The following PRPF40B variants were observed in gnomAD, a reference collection of about 807,000 sequenced individuals.
PRPF40B encodes pre-mRNA processing factor 40B, also known as pre-mRNA-processing factor 40 homolog B.
A neutral mutation model predicts 124.5 loss-of-function variants in PRPF40B; 56 were observed. The ratio of observed to expected loss-of-function variants is 0.45; its 90% CI spans 0.36 to 0.56. The LOEUF (loss-of-function observed/expected upper bound fraction) is 0.56, where lower values mean the gene tolerates loss of function less well. Ranked by LOEUF, PRPF40B falls within the 20% of genes least tolerant of loss-of-function variation. The pLI is 0.00. For synonymous variants in PRPF40B, 443 were observed against 426.4 expected, an observed-to-expected ratio of 1.04 and a Z score of -0.48; for missense variants, 1,053 against 1,169.5, an observed-to-expected ratio of 0.90 and a Z score of 1.45.
intron 18 of PRPF40B, chr12:49,639,024 C>G (rs887606331): frequency 1.3e-5 from 2 of 152,202 alleles, no homozygotes. Flanking sequence ...ATGTATCATA[C>G]TGTCCTGAGG....
At position 49,631,775 on chromosome 12, in the gene PRPF40B, T is replaced by C; in HGVS notation, c.229-85T>C. 7.2e-7 allele frequency: 1 copy of C among 1,388,688 alleles called. No homozygotes were observed. Among genetic ancestry groups the C allele is most frequent in the Non-Finnish European group, 1.0e-6 (1 of 976,168 alleles). 86.0% of individuals were successfully genotyped at this position (1,388,688 alleles called of 1,614,324 possible). ...AGTGAGGGTCATGGCTCCAGTGAGA[T>C]GTCTCAGGACCCTTTGAGGTACCCT... On this transcript the variant is annotated intron_variant, in intron 3 of 25. Coordinates refer to ENST00000548825, the MANE Select transcript of PRPF40B (RefSeq NM_001031698.3). The surrounding 1 kb of genome is among the most constrained non-coding windows in gnomAD (Gnocchi z 4.3).
At position 49,628,500 on chromosome 12, in the gene PRPF40B, C is replaced by T. The variant is rs554357745; in HGVS notation, c.4-2045C>T. Among the ~76,000 whole-genome samples, 9 of 151,962 alleles carry T rather than the reference C, an allele frequency of 5.9e-5. 1 individual carries two copies. The South Asian group carries it at 1.9e-3, about 32-fold the overall frequency. On this transcript the variant is annotated intron_variant, in intron 1 of 25. Coordinates refer to ENST00000548825, the MANE Select transcript of PRPF40B (RefSeq NM_001031698.3). ...CGAACTCCTTACCTCAGGTGATCTG[C>T]CCGCTTGGCCTCCCAAAGTGCTGGG...
At chr12:49,639,641 G>T (rs1043909386) in intron 18 of PRPF40B, 1 of 152,134 alleles carries the variant, frequency 6.6e-6, no homozygotes, top group African/African-American at 2.4e-5. Context: ...ATGCATAAAG[G>T]TTCTACATAA....
Position 49,631,407 on chromosome 12 carries a change from C to G in PRPF40B, c.91C>G (p.Pro31Ala). The change falls in exon 3 of 26, where the codon CCT (proline) becomes GCT (alanine). Residue 31 changes from proline (P) to alanine (A), a missense_variant. By Grantham distance (27) the Pro-to-Ala change is conservative. Transcript: ENST00000548825. The surrounding 1 kb of genome is among the most constrained non-coding windows in gnomAD (Gnocchi z 4.3). Reference sequence around the variant, plus strand: ...TTCCTTTACTCATTTCCAGATGCCCCCTCCAGGGATCCCCCCACCCTTTCC... The same window carrying G: ...TTCCTTTACTCATTTCCAGATGCCCGCTCCAGGGATCCCCCCACCCTTTCC... ...PPMMPPPFMP[P>A]PGIPPPFPPM... is the part of the protein sequence containing the mutation. The G allele has an allele frequency of 6.7e-7, 1 of 1,498,130 alleles. No individual in the cohort carries two copies. The highest frequency in any genetic ancestry group is 8.9e-7 in the Non-Finnish European group (1 of 1,126,692). The allele number at this position is 1,498,130 out of a possible 1,614,324, so 92.8% of individuals were successfully genotyped here.
intron 1 of PRPF40B, among the ~76,000 whole-genome samples, chr12:49,627,153 T>C (rs1940793390): frequency 6.6e-6 from 1 of 152,184 alleles, no homozygotes; most frequent in Non-Finnish European, 1.5e-5. Context: ...TCCCTGCCCT[T>C]CAGTGTTTTC....
intron 17 of PRPF40B, 68 bp from the exon 18 acceptor site, chr12:49,637,665 T>C (rs1221703532): frequency 6.4e-7 from 1 of 1,551,572 alleles, no homozygotes; most frequent in East Asian, 2.3e-5. Context: ...CCGGCTCCTG[T>C]CCTCGGCCCA....
intron 1 of PRPF40B, among the ~76,000 whole-genome samples, chr12:49,625,852 AGGAGAGGGAC>A (rs1352998438): frequency 4.6e-5 from 7 of 152,214 alleles, no homozygotes; most frequent in Admixed American, 2.6e-4. Context: ...TGCAGCAGGT[AGGAGAGGGAC>A]GGGGTGTTTC....
At chr12:49,626,813 C>CT (rs758989407) in intron 1 of PRPF40B, among the ~76,000 whole-genome samples, 11 of 152,006 alleles carry the variant, frequency 7.2e-5, no homozygotes, top group Non-Finnish European at 1.3e-4. Context: ...GTGGTAGGAG[C>CT]TTTGCTTTTA....
At chr12:49,623,984 T>G in intron 1 of PRPF40B, 9 of 1,030,804 alleles carry the variant, frequency 8.7e-6, no homozygotes, top group East Asian at 7.7e-5. Flanking sequence ...GTGTGCGACA[T>G]GCCCTTCCCC....
intron 4 of PRPF40B, 51 bp from the exon 5 acceptor site, chr12:49,632,544 TG>T: frequency 6.2e-7 from 1 of 1,603,028 alleles, no homozygotes; most frequent in Non-Finnish European, 8.5e-7. Context: ...GCCTGGGTCC[TG>T]GGGGCCACTG....
chr12:49,634,113 C>T (rs1402252524), intron 10 of PRPF40B, 21 bp downstream of exon 10: 1 of 1,606,494 alleles, frequency 6.2e-7, no homozygotes, highest in Admixed American at 1.7e-5. Context: ...CCCCCCATGG[C>T]ATTCCCAATG....
chr12:49,634,852 G>A (rs1034123794), intron 12 of PRPF40B: 6 of 634,224 alleles, frequency 9.5e-6, no homozygotes, highest in Admixed American at 3.0e-5. Context: ...TGGGGAATGA[G>A]GGTGCTGGAT....
intron 15 of PRPF40B, 191 bp from the exon 16 acceptor site, chr12:49,636,525 C>A (rs1380807018): frequency 3.4e-6 from 2 of 597,006 alleles, no homozygotes; most frequent in Non-Finnish European, 5.8e-6. Flanking sequence ...TATTCTTATA[C>A]AATTAATGAT....
chr12:49,628,292 ACT>A (rs967039207), intron 1 of PRPF40B, among the ~76,000 whole-genome samples: 1 of 151,994 alleles, frequency 6.6e-6, no homozygotes, highest in South Asian at 2.1e-4. Flanking sequence ...AGAGTGTCTC[ACT>A]CTGTCACCCA....
At chr12:49,632,807 T>C (rs1222057749) in intron 5 of PRPF40B, 48 bp from the exon 6 acceptor site, 5 of 1,613,706 alleles carry the variant, frequency 3.1e-6, no homozygotes, top group Non-Finnish European at 4.2e-6. Context: ...GGGAATAAGA[T>C]GGAGGTCGGA....
chr12:49,633,240 G>A (rs1941416835), intron 7 of PRPF40B, 116 bp downstream of exon 7: 13 of 1,264,424 alleles, frequency 1.0e-5, no homozygotes, highest in Non-Finnish European at 1.3e-5. Flanking sequence ...CAAGGTCCCT[G>A]ACCATTCCTC....
chr12:49,633,791 G>A (rs1396439806), intron 9 of PRPF40B, 95 bp from the exon 10 acceptor site: 1 of 1,605,464 alleles, frequency 6.2e-7, no homozygotes, highest in Non-Finnish European at 8.5e-7. Flanking sequence ...ATCCCCTCTG[G>A]CCCCAGTCCT....
intron 1 of PRPF40B, among the ~76,000 whole-genome samples, chr12:49,625,316 C>T (rs936246911): frequency 1.4e-4 from 22 of 152,218 alleles, no homozygotes; most frequent in Non-Finnish European, 1.6e-4. Context: ...AAACCTGCCT[C>T]TCCCATTTAA....
intron 23 of PRPF40B, 28 bp downstream of exon 23, chr12:49,643,425 T>C: frequency 6.5e-7 from 1 of 1,531,878 alleles, no homozygotes; most frequent in East Asian, 2.3e-5. Context: ...GCGTAGAAGC[T>C]GGAGAACTGT....
Sources: allele counts gnomAD v4.1 joint callset (sites outside exome capture counted in the v4.1 genomes callset), GRCh38; gene constraint gnomAD v4.1.1; non-coding constraint Gnocchi (gnomAD v3.1); transcripts MANE v1.5; gene names NCBI Gene and HGNC (gene_info 2026-07-23, HGNC 2026-07-21).